STARD13: variants seen among roughly 807,000 people sequenced by gnomAD.
STARD13 encodes stAR-related lipid transfer protein 13.
A neutral mutation model predicts 106.4 loss-of-function variants in STARD13; 62 were observed. That is an observed-to-expected ratio of 0.58 (90% confidence interval 0.48 to 0.72). The LOEUF (loss-of-function observed/expected upper bound fraction) is 0.72. Ranked by LOEUF, STARD13 falls within the 30% of genes least tolerant of loss-of-function variation. The probability of loss-of-function intolerance (pLI) is 0.00; values close to 1 mark genes in which losing one functional copy is unlikely to be tolerated. For missense variants in STARD13, 1,387 were observed against 1,424.0 expected, an observed-to-expected ratio of 0.97 and a Z score of 0.42; for synonymous variants, 565 against 553.0, an observed-to-expected ratio of 1.02 and a Z score of -0.31.
chr13:33,354,314 AT>A (rs2078106432), upstream of STARD13, among the ~76,000 whole-genome samples: 1 of 152,130 alleles, frequency 6.6e-6, no homozygotes, highest in Non-Finnish European at 1.5e-5. Context: ...CCTTACCCTA[AT>A]TTTTTTGTTC....
At chr13:33,245,038 A>T (rs1246269040) in intron 1 of STARD13, among the ~76,000 whole-genome samples, 1 of 152,226 alleles carries the variant, frequency 6.6e-6, no homozygotes, top group Non-Finnish European at 1.5e-5. Flanking sequence ...GTCAAATGTT[A>T]GGGACAGTTC....
At chr13:33,641,935 A>C in the STARD13 span, among the ~76,000 whole-genome samples, 1 of 152,232 alleles carries the variant, frequency 6.6e-6, no homozygotes, top group Non-Finnish European at 1.5e-5. Flanking sequence ...TGACTCTGTT[A>C]ATTTTAAGCT....
intron 1 of STARD13, among the ~76,000 whole-genome samples, chr13:33,256,434 T>G (rs1164042548): frequency 6.6e-6 from 1 of 152,206 alleles, no homozygotes; most frequent in African/African-American, 2.4e-5. Context: ...CAGTTTTCAC[T>G]TGTTCTATTA....
At chr13:33,641,403 C>T in the STARD13 span, among the ~76,000 whole-genome samples, 1 of 152,028 alleles carries the variant, frequency 6.6e-6, no homozygotes, top group African/African-American at 2.4e-5. Context: ...TATTTATGGC[C>T]AGTTTTTACA....
rs561648530 is a variant in STARD13, at chr13:33,328,345, A to G, written c.124+21945T>C. 9.2e-5 allele frequency among the ~76,000 whole-genome samples: 14 copies of G among 152,366 alleles called. 1 individual carries two copies. Among genetic ancestry groups the G allele is most frequent in the Middle Eastern group, 6.8e-3 (2 of 294 alleles). ...CCAGGCCAGAATCAGCTAACATTTT[A>G]GAGTCAAAATGTCCTCATTATAAAA... On this transcript the variant is annotated intron_variant, in intron 1 of 5. Transcript: ENST00000567873.
At chr13:33,669,266 AAAGG>A in the STARD13 span, among the ~76,000 whole-genome samples, 1 of 152,186 alleles carries the variant, frequency 6.6e-6, no homozygotes, top group Admixed American at 6.5e-5. Context: ...AACAAATAAA[AAAGG>A]AATGCAGAAA....
At chr13:33,249,965 A>AT (rs1044663143) in intron 1 of STARD13, among the ~76,000 whole-genome samples, 3 of 151,598 alleles carry the variant, frequency 2.0e-5, no homozygotes, top group Admixed American at 6.6e-5. Context: ...AATTTTTTTG[A>AT]TTTTTTGTAG....
At position 33,112,721 on chromosome 13, in the gene STARD13, C is replaced by G. The variant is rs768401147; in HGVS notation, c.2492G>C (p.Arg831Pro). ...LNLLKKESSP[R>P]VIQKKYATGK... Reference sequence around the variant, plus strand: ...GTTGTTACTGAGAAAAAAAACCCACCGTGGAGAGCTTTCTTTCTTCAATAA... The same window carrying G: ...GTTGTTACTGAGAAAAAAAACCCACGGTGGAGAGCTTTCTTTCTTCAATAA... Residue 831 changes from arginine (R) to proline (P), a missense_variant and splice_region_variant, in exon 9 of 14, where the codon CGA becomes CCA. By Grantham distance (103) the Arg-to-Pro change is moderately radical. Transcript: ENST00000336934. 27 of 1,588,708 alleles carry G rather than the reference C, an allele frequency of 1.7e-5. No homozygotes were observed. Among genetic ancestry groups the G allele is most frequent in the Non-Finnish European group, 2.0e-5 (23 of 1,168,522 alleles).
At chr13:33,224,550 G>C (rs1265717313) in intron 1 of STARD13, among the ~76,000 whole-genome samples, 1 of 152,200 alleles carries the variant, frequency 6.6e-6, no homozygotes, top group Non-Finnish European at 1.5e-5. Context: ...AAGGAAACAT[G>C]GCAGTCACAC....
At chr13:33,119,117 T>A (rs1875857119) in intron 7 of STARD13, among the ~76,000 whole-genome samples, 1 of 152,180 alleles carries the variant, frequency 6.6e-6, no homozygotes, top group Non-Finnish European at 1.5e-5. Context: ...ATGAAGATCC[T>A]GCAATGGTGG....
chr13:33,166,382 C>T (rs1289320804), intron 2 of STARD13, among the ~76,000 whole-genome samples: 1 of 151,994 alleles, frequency 6.6e-6, no homozygotes, highest in African/African-American at 2.4e-5. Flanking sequence ...GTTTGAGGCT[C>T]CTCTCTCCTC....
Position 33,110,212 on chromosome 13 carries a change from T to C in STARD13, c.2830-122A>G, listed in dbSNP as rs545916613. On this transcript the variant is annotated intron_variant, in intron 11 of 13. Coordinates refer to ENST00000336934, the MANE Select transcript of STARD13 (RefSeq NM_178006.4). ...GGTGTTCAAAAACCATCACTGATTA[T>C]GTAAATTGAGAGTGATACTACATAC... The C allele has an allele frequency of 6.3e-6, 5 of 794,380 alleles. No homozygotes were observed. In the Admixed American group the frequency reaches 1.1e-4, roughly 18 times the overall value. The allele number at this position is 794,380 out of a possible 1,614,324, so 49.2% of individuals were successfully genotyped here.
At chr13:33,433,293 T>A in the STARD13 span, among the ~76,000 whole-genome samples, 3 of 152,240 alleles carry the variant, frequency 2.0e-5, no homozygotes, top group African/African-American at 7.2e-5. Flanking sequence ...CTAGAAGAAC[T>A]GCTCCTATCT....
intron 1 of STARD13, among the ~76,000 whole-genome samples, chr13:33,252,181 C>T (rs1002160323): frequency 1.3e-5 from 2 of 152,140 alleles, no homozygotes; most frequent in South Asian, 4.1e-4. Flanking sequence ...TTGTGAGCAG[C>T]TTTTACAGCT....
At chr13:33,231,904 G>A (rs1165681624) in intron 1 of STARD13, among the ~76,000 whole-genome samples, 1 of 152,208 alleles carries the variant, frequency 6.6e-6, no homozygotes, top group Non-Finnish European at 1.5e-5. Flanking sequence ...TCTAAAATCT[G>A]CAGATGCTCA....
the STARD13 span, among the ~76,000 whole-genome samples, chr13:33,360,503 C>T: frequency 2.2e-4 from 33 of 151,316 alleles, no homozygotes; most frequent in African/African-American, 7.0e-4. Flanking sequence ...TGCTCCTGGC[C>T]GGCAGTCGAT....
the STARD13 span, among the ~76,000 whole-genome samples, chr13:33,546,494 A>G: frequency 0.01 from 1,554 of 152,094 alleles, 98 homozygotes; most frequent in Admixed American, 0.093. Context: ...ATACTGCCCT[A>G]TTTTTGGTTT....
At chr13:33,187,035 A>G (rs1594073082) in intron 1 of STARD13, among the ~76,000 whole-genome samples, 1 of 152,186 alleles carries the variant, frequency 6.6e-6, no homozygotes, top group African/African-American at 2.4e-5. Context: ...TCACTCTCCC[A>G]TCTGGGCTAC....
chr13:33,358,022 G>C, the STARD13 span, among the ~76,000 whole-genome samples: 1 of 152,222 alleles, frequency 6.6e-6, no homozygotes, highest in Non-Finnish European at 1.5e-5. Flanking sequence ...CGGCGCTTGC[G>C]GGCCAGCTGG....
Sources: allele counts gnomAD v4.1 joint callset (sites outside exome capture counted in the v4.1 genomes callset), GRCh38; gene constraint gnomAD v4.1.1; transcripts MANE v1.5; gene names NCBI Gene and HGNC (gene_info 2026-07-23, HGNC 2026-07-21).